The following CSMD1 variants were observed in gnomAD, a reference collection of about 807,000 sequenced individuals.
The protein encoded by CSMD1 is CUB and Sushi multiple domains 1, also known as CUB and sushi domain-containing protein 1.
A neutral mutation model predicts 417.5 loss-of-function variants in CSMD1; 213 were observed. The observed-to-expected ratio is 0.51, with a 90% CI of 0.46 to 0.57. The LOEUF is 0.57. Ranked by LOEUF, CSMD1 falls within the 20% of genes least tolerant of loss-of-function variation. The pLI, the probability that CSMD1 is intolerant of heterozygous loss-of-function variation, is 0.00. For missense variants in CSMD1, 6,923 were observed against 4,529.7 expected, an observed-to-expected ratio of 1.53 and a Z score of -15.17; for synonymous variants, 2,862 against 1,736.8, an observed-to-expected ratio of 1.65 and a Z score of -16.11.
intron 3 of CSMD1, among the ~76,000 whole-genome samples, chr8:4,106,571 A>G (rs1422284731): frequency 6.6e-6 from 1 of 152,224 alleles, no homozygotes; most frequent in Non-Finnish European, 1.5e-5. Context: ...TAAAAATGTG[A>G]GTTAATAATT....
intron 26 of CSMD1, among the ~76,000 whole-genome samples, chr8:3,232,789 G>C (rs1038607666): frequency 1.3e-5 from 2 of 151,784 alleles, no homozygotes; most frequent in Non-Finnish European, 2.9e-5. Flanking sequence ...CTTTTTGCTT[G>C]CTTTCATACT....
At chr8:4,871,454 A>G (rs1170540483) in intron 1 of CSMD1, among the ~76,000 whole-genome samples, 1 of 152,118 alleles carries the variant, frequency 6.6e-6, no homozygotes, top group Non-Finnish European at 1.5e-5. Flanking sequence ...TGAGCCACAT[A>G]AAGAAAGATG....
intron 33 of CSMD1, among the ~76,000 whole-genome samples, chr8:3,195,502 G>A (rs578028674): frequency 6.6e-6 from 1 of 152,228 alleles, no homozygotes; most frequent in Non-Finnish European, 1.5e-5. Flanking sequence ...GAGTTACTAA[G>A]AAACAGTTTG....
At chr8:3,291,154 C>T (rs940430543) in intron 25 of CSMD1, among the ~76,000 whole-genome samples, 3 of 152,190 alleles carry the variant, frequency 2.0e-5, no homozygotes, top group African/African-American at 2.4e-5. Context: ...TTGAAGCAGC[C>T]TTGCATCCCA....
intron 3 of CSMD1, among the ~76,000 whole-genome samples, chr8:4,190,253 C>CAAAAA (rs11397581): frequency 1.5e-5 from 1 of 67,056 alleles, no homozygotes; most frequent in Non-Finnish European, 3.0e-5. Flanking sequence ...ACTCCGTCTC[C>CAAAAA]AAAAAAAAAA....
At chr8:3,838,872 T>A (rs1563132315) in intron 5 of CSMD1, among the ~76,000 whole-genome samples, 1 of 112,556 alleles carries the variant, frequency 8.9e-6, no homozygotes, top group African/African-American at 3.7e-5. Context: ...ATTAATTATA[T>A]ATAATATTAA....
chr8:4,943,993 G>A (rs1320876427), intron 1 of CSMD1, among the ~76,000 whole-genome samples: 2 of 152,154 alleles, frequency 1.3e-5, no homozygotes, highest in Non-Finnish European at 1.5e-5. Context: ...ACTGGCGGTT[G>A]TATTTGAGTA....
intron 5 of CSMD1, among the ~76,000 whole-genome samples, chr8:3,822,500 G>A (rs913214340): frequency 1.3e-5 from 2 of 152,206 alleles, no homozygotes; most frequent in Admixed American, 6.5e-5. Context: ...AGAGCTGCTA[G>A]GTACTCATGC....
intron 3 of CSMD1, among the ~76,000 whole-genome samples, chr8:4,326,275 G>A (rs546945537): frequency 2.0e-5 from 3 of 152,274 alleles, no homozygotes; most frequent in African/African-American, 4.8e-5. Context: ...TTCACATACG[G>A]TGGGAGACTC....
rs142747402 is a variant in CSMD1 at position 3,090,693 on chromosome 8, A to T, written c.7285+823T>A. On this transcript the variant is annotated intron_variant, in intron 48 of 69. Transcript: ENST00000635120. ...ACATATTGTTCACTTCCCATACACA[A>T]TGAGCATCTTTCACGGGAAAACATA... Among the ~76,000 whole-genome samples the T allele has an allele frequency of 8.5e-4, 130 of 152,292 alleles. 1 individual carries two copies. The highest frequency in any genetic ancestry group is 2.9e-3 in the African/African-American group (119 of 41,556).
rs1169155714 is a variant in CSMD1, at chr8:4,628,385, C to G, written c.302+8957G>C. ...GTATGTGTGTGTGTATATATACACACATATATATACACATATATATACACA... is the reference window on the plus strand; with the variant it reads ...GTATGTGTGTGTGTATATATACACAGATATATATACACATATATATACACA... On this transcript the variant is annotated intron_variant, in intron 2 of 69. Transcript: ENST00000635120. 2.1e-5 allele frequency among the ~76,000 whole-genome samples: 3 copies of G among 143,564 alleles called. No homozygotes were observed. In the Admixed American group the frequency reaches 2.1e-4, roughly 10 times the overall value. The allele number at this position is 143,564 out of a possible 152,430, so 94.2% of individuals were successfully genotyped here. A position where few individuals can be genotyped will look rare whatever the true frequency, so the allele number is the denominator to read the frequency against.
chr8:3,265,404 G>C (rs766374515), intron 26 of CSMD1, among the ~76,000 whole-genome samples: 1 of 152,158 alleles, frequency 6.6e-6, no homozygotes, highest in African/African-American at 2.4e-5. Context: ...GAAGGGGGGA[G>C]TGTAAGAATC....
At chr8:3,853,454 C>T (rs1440396592) in intron 5 of CSMD1, among the ~76,000 whole-genome samples, 1 of 152,170 alleles carries the variant, frequency 6.6e-6, no homozygotes, top group Admixed American at 6.5e-5. Context: ...AAATGGTAAA[C>T]TCTGTGAAGG....
Position 3,837,217 on chromosome 8 carries a change from C to G in CSMD1, c.819-83175G>C, listed in dbSNP as rs78613611. ...TCAAAGAAAACATTGGCCAATTATT[C>G]CAGAATAGATGTGCATAGCTAAAGC... is the stretch of plus-strand genomic sequence containing the variant. On this transcript the variant is annotated intron_variant, in intron 5 of 69. Coordinates refer to ENST00000635120, the MANE Select transcript of CSMD1 (RefSeq NM_033225.6). Among the ~76,000 whole-genome samples, 538 of 152,104 alleles carry G rather than the reference C, an allele frequency of 3.5e-3. 14 individuals carry two copies. The highest frequency in any genetic ancestry group is 5.6e-3 in the Admixed American group (85 of 15,254).
At chr8:3,182,327 G>A (rs969403419) in intron 36 of CSMD1, among the ~76,000 whole-genome samples, 5 of 152,128 alleles carry the variant, frequency 3.3e-5, no homozygotes, top group Non-Finnish European at 7.4e-5. Flanking sequence ...GGATTCTCCT[G>A]CCTCAGCTTC....
At chr8:4,870,957 G>C (rs1170186553) in intron 1 of CSMD1, among the ~76,000 whole-genome samples, 1 of 152,116 alleles carries the variant, frequency 6.6e-6, no homozygotes, top group Non-Finnish European at 1.5e-5. Flanking sequence ...CAAATCCCCA[G>C]TGCTGAGAAG....
At chr8:4,399,775 A>G (rs1290117137) in intron 3 of CSMD1, among the ~76,000 whole-genome samples, 1 of 152,180 alleles carries the variant, frequency 6.6e-6, no homozygotes, top group Non-Finnish European at 1.5e-5. Context: ...TCCTCATGTG[A>G]GTCTATTTCT....
intron 23 of CSMD1, among the ~76,000 whole-genome samples, chr8:3,337,549 C>G (rs558633250): frequency 6.6e-6 from 1 of 152,068 alleles, no homozygotes; most frequent in African/African-American, 2.4e-5. Context: ...TCTCGGTAAG[C>G]GATGGCCACT....
At chr8:4,225,567 G>C (rs1801299737) in intron 3 of CSMD1, among the ~76,000 whole-genome samples, 1 of 147,382 alleles carries the variant, frequency 6.8e-6, no homozygotes. Context: ...TGGCTGTTAA[G>C]AGCCTAAATA....
Sources: allele counts gnomAD v4.1 joint callset (sites outside exome capture counted in the v4.1 genomes callset), GRCh38; gene constraint gnomAD v4.1.1; transcripts MANE v1.5; gene names NCBI Gene and HGNC (gene_info 2026-07-23, HGNC 2026-07-21).